PTPRG: variants seen among roughly 807,000 people sequenced by gnomAD.
The protein encoded by PTPRG is receptor-type tyrosine-protein phosphatase gamma.
PTPRG carries 102 observed loss-of-function variants against 165.3 expected under a neutral mutation model. The ratio of observed to expected loss-of-function variants is 0.62; its 90% CI spans 0.53 to 0.73. PTPRG has a LOEUF of 0.73. PTPRG is among the 30% of genes least tolerant of loss of function. The pLI is 0.00. For missense variants in PTPRG, 1,866 were observed against 1,861.4 expected, an observed-to-expected ratio of 1.00 and a Z score of -0.05; for synonymous variants, 675 against 669.5, an observed-to-expected ratio of 1.01 and a Z score of -0.13.
At chr3:62,215,548 C>CCCCCCCCCCT (rs1553652497) in intron 12 of PTPRG, among the ~76,000 whole-genome samples, 24 of 127,894 alleles carry the variant, frequency 1.9e-4, no homozygotes, top group African/African-American at 6.1e-4. Context: ...CTACGGGAAC[C>CCCCCCCCCCT]CCCCCCCCCC....
chr3:61,689,074 CTG>C, intron 1 of PTPRG, among the ~76,000 whole-genome samples: 1 of 152,334 alleles, frequency 6.6e-6, no homozygotes, highest in East Asian at 1.9e-4. Flanking sequence ...CATTTGAGGA[CTG>C]TTTTTACTGT....
chr3:62,044,997 G>T (rs1344415399), intron 4 of PTPRG, among the ~76,000 whole-genome samples: 1 of 152,134 alleles, frequency 6.6e-6, no homozygotes, highest in East Asian at 1.9e-4. Flanking sequence ...AAAAGAGTGT[G>T]ACCCGGATGA....
At chr3:61,909,540 A>G (rs2038748468) in intron 2 of PTPRG, among the ~76,000 whole-genome samples, 1 of 151,992 alleles carries the variant, frequency 6.6e-6, no homozygotes, top group Non-Finnish European at 1.5e-5. Flanking sequence ...TTGTAGCAAT[A>G]CAGTCTCACT....
At chr3:61,700,708 T>C (rs562720867) in intron 1 of PTPRG, among the ~76,000 whole-genome samples, 45 of 152,348 alleles carry the variant, frequency 3.0e-4, no homozygotes, top group South Asian at 1.0e-3. Flanking sequence ...TTAGCCTTGT[T>C]CCAGAATATT....
intron 2 of PTPRG, among the ~76,000 whole-genome samples, chr3:61,894,287 G>A (rs1433618917): frequency 9.9e-5 from 10 of 101,360 alleles, no homozygotes; most frequent in Admixed American, 9.5e-4. Flanking sequence ...GGGCAACAGA[G>A]CAAGACTCTG....
At chr3:61,855,992 C>T (rs2037096683) in intron 2 of PTPRG, among the ~76,000 whole-genome samples, 1 of 152,022 alleles carries the variant, frequency 6.6e-6, no homozygotes, top group African/African-American at 2.4e-5. Flanking sequence ...CTTCCTATTT[C>T]CAGAAGAACT....
In PTPRG at chr3:61,956,767, G is replaced by C. The variant is rs577477803; in HGVS notation, c.191-32858G>C. Among the ~76,000 whole-genome samples, 8 of 152,268 alleles carry C rather than the reference G, an allele frequency of 5.3e-5. No homozygotes were observed. In the East Asian group the frequency reaches 9.6e-4, roughly 18 times the overall value. ...GATCAAGTACAATTACATACCTTTTGTATGACATTTCTGATTGGAAAGGTT... is the reference window on the plus strand; with the variant it reads ...GATCAAGTACAATTACATACCTTTTCTATGACATTTCTGATTGGAAAGGTT... On this transcript the variant is annotated intron_variant, in intron 2 of 29. Coordinates refer to ENST00000474889, the MANE Select transcript of PTPRG (RefSeq NM_002841.4).
intron 8 of PTPRG, among the ~76,000 whole-genome samples, chr3:62,181,301 A>G (rs1705639861): frequency 6.6e-6 from 1 of 152,170 alleles, no homozygotes; most frequent in Non-Finnish European, 1.5e-5. Context: ...CCCCAGCTCC[A>G]GTGCTTCCTA....
rs537943222 is a variant in PTPRG, at chr3:62,204,043, A to C, written c.2155+93A>C. 2.9e-3 allele frequency: 4,341 copies of C among 1,478,600 alleles called. 32 individuals are homozygous for C. Among genetic ancestry groups the C allele is most frequent in the South Asian group, 0.018 (1,207 of 65,986 alleles). 91.6% of individuals were successfully genotyped at this position (1,478,600 alleles called of 1,614,324 possible). A position where few individuals can be genotyped will look rare whatever the true frequency, so the allele number is the denominator to read the frequency against. On this transcript the variant is annotated intron_variant, in intron 12 of 29. Coordinates refer to ENST00000474889, the MANE Select transcript of PTPRG (RefSeq NM_002841.4). ...TGGGAGCAGAAGGTGAAGCTTCAGA[A>C]GGTACTTAATATTCTTAGAATCATA...
intron 4 of PTPRG, among the ~76,000 whole-genome samples, chr3:62,018,186 A>G (rs1383879289): frequency 2.6e-5 from 4 of 152,240 alleles, no homozygotes; most frequent in Non-Finnish European, 4.4e-5. Context: ...AGAGACCAAC[A>G]GAGTGAATCT....
At chr3:61,746,125 T>G (rs544542133) in intron 1 of PTPRG, among the ~76,000 whole-genome samples, 2 of 150,842 alleles carry the variant, frequency 1.3e-5, no homozygotes, top group Non-Finnish European at 3.0e-5. Flanking sequence ...CACGGCTCAC[T>G]TGAGCCTCCC....
chr3:61,798,958 C>T (rs1575672593), intron 2 of PTPRG, among the ~76,000 whole-genome samples: 2 of 152,140 alleles, frequency 1.3e-5, no homozygotes, highest in East Asian at 3.9e-4. Context: ...ATTACTAGAA[C>T]CTGAAACCTT....
intron 2 of PTPRG, among the ~76,000 whole-genome samples, chr3:61,879,574 A>T (rs530764508): frequency 1.3e-3 from 194 of 152,244 alleles, no homozygotes; most frequent in Non-Finnish European, 2.2e-3. Flanking sequence ...AATGACAGGG[A>T]TATGTTCTGA....
intron 5 of PTPRG, among the ~76,000 whole-genome samples, chr3:62,129,945 A>G (rs952998498): frequency 4.6e-5 from 7 of 152,218 alleles, no homozygotes; most frequent in African/African-American, 1.7e-4. Flanking sequence ...TAAGCCAGAT[A>G]TATTGTTTCA....
At chr3:61,872,231 G>T (rs600368) in intron 2 of PTPRG, among the ~76,000 whole-genome samples, 1 of 152,084 alleles carries the variant, frequency 6.6e-6, no homozygotes, top group Non-Finnish European at 1.5e-5. Flanking sequence ...ATTCTGGCCA[G>T]GTGCAGCGTT....
intron 4 of PTPRG, among the ~76,000 whole-genome samples, chr3:62,043,747 G>A (rs928215047): frequency 6.6e-5 from 10 of 152,150 alleles, no homozygotes; most frequent in Non-Finnish European, 1.5e-4. Flanking sequence ...GATTGTTAAA[G>A]GATAGACTCT....
intron 15 of PTPRG, among the ~76,000 whole-genome samples, chr3:62,244,298 T>C (rs1433307490): frequency 2.0e-5 from 3 of 152,254 alleles, no homozygotes; most frequent in South Asian, 2.1e-4. Flanking sequence ...AATAGAGGAA[T>C]ACATTACTGG....
chr3:62,142,157 C>G (rs988953826), intron 6 of PTPRG, among the ~76,000 whole-genome samples: 1 of 151,418 alleles, frequency 6.6e-6, no homozygotes, highest in Admixed American at 6.6e-5. Flanking sequence ...AAGGAATCAC[C>G]TTTGAAGTCT....
At chr3:61,672,684 G>C (rs546794665) in intron 1 of PTPRG, among the ~76,000 whole-genome samples, 3 of 143,134 alleles carry the variant, frequency 2.1e-5, no homozygotes, top group Non-Finnish European at 4.6e-5. Flanking sequence ...GTCCAGCTTC[G>C]GCTCGGCATC....
Sources: gnomAD v4.1 joint callset for allele counts (sites outside exome capture counted in the v4.1 genomes callset) on GRCh38, gnomAD v4.1.1 for gene constraint, MANE v1.5 for transcripts, NCBI Gene and HGNC (gene_info 2026-07-23, HGNC 2026-07-21) for gene names.